The following CCSER1 variants were observed in gnomAD, a reference collection of about 807,000 sequenced individuals.
CCSER1 encodes serine-rich coiled-coil domain-containing protein 1.
CCSER1 carries 41 observed loss-of-function variants against 82.0 expected under a neutral mutation model. The observed-to-expected ratio is 0.50, with a 90% CI of 0.39 to 0.65. The LOEUF is 0.65. Ranked by LOEUF, CCSER1 falls within the 30% of genes least tolerant of loss-of-function variation. The pLI is 0.00. For missense variants in CCSER1, 1,119 were observed against 1,064.2 expected (o/e 1.05, Z -0.72); for synonymous variants, 414 against 383.9 (o/e 1.08, Z -0.92).
intron 10 of CCSER1, among the ~76,000 whole-genome samples, chr4:91,426,581 A>C (rs1753994696): frequency 6.6e-6 from 1 of 152,270 alleles, no homozygotes; most frequent in Middle Eastern, 3.4e-3. Flanking sequence ...ACACAGAAAT[A>C]TTCAGAATTT....
chr4:90,523,296 T>C (rs1773360377), intron 5 of CCSER1, among the ~76,000 whole-genome samples: 1 of 152,158 alleles, frequency 6.6e-6, no homozygotes, highest in Non-Finnish European at 1.5e-5. Context: ...CACATATCAG[T>C]CCAGTGCCCA....
chr4:91,580,882 A>G (rs140236825), intron 10 of CCSER1, among the ~76,000 whole-genome samples: 1 of 151,650 alleles, frequency 6.6e-6, no homozygotes, highest in East Asian at 1.9e-4. Flanking sequence ...ACAACCATAC[A>G]TCTTCATTTT....
chr4:90,895,668 T>C (rs975549589), intron 8 of CCSER1, among the ~76,000 whole-genome samples: 7 of 151,824 alleles, frequency 4.6e-5, no homozygotes, highest in Non-Finnish European at 2.9e-5. Context: ...AGAGTAAACA[T>C]AGTTGAGGCT....
intron 4 of CCSER1, among the ~76,000 whole-genome samples, chr4:90,449,942 G>A (rs918612963): frequency 2.0e-5 from 3 of 152,196 alleles, no homozygotes; most frequent in Non-Finnish European, 4.4e-5. Flanking sequence ...TCCATGGAGT[G>A]TACAGCCCTG....
At chr4:90,734,811 A>G (rs1745386032) in intron 7 of CCSER1, among the ~76,000 whole-genome samples, 1 of 152,006 alleles carries the variant, frequency 6.6e-6, no homozygotes. Context: ...GATGGCTTTT[A>G]TTTCTTTCCC....
chr4:90,510,334 G>A (rs1176992222), intron 5 of CCSER1, among the ~76,000 whole-genome samples: 1 of 152,114 alleles, frequency 6.6e-6, no homozygotes, highest in Non-Finnish European at 1.5e-5. Context: ...GTTTTCTAAG[G>A]TGAATTCTTT....
At chr4:90,881,966 G>T (rs550279637) in intron 8 of CCSER1, among the ~76,000 whole-genome samples, 2 of 151,496 alleles carry the variant, frequency 1.3e-5, no homozygotes, top group Admixed American at 1.3e-4. Flanking sequence ...TCAAATTCTA[G>T]ACAGTTGCTC....
chr4:90,361,391 C>T (rs1745340418), intron 3 of CCSER1, among the ~76,000 whole-genome samples: 1 of 152,182 alleles, frequency 6.6e-6, no homozygotes, highest in Admixed American at 6.5e-5. Flanking sequence ...TTACAACTTA[C>T]TTTCTTCTAT....
intron 1 of CCSER1, among the ~76,000 whole-genome samples, chr4:90,303,305 A>C (rs1733533657): frequency 6.6e-6 from 1 of 152,166 alleles, no homozygotes. Flanking sequence ...AACTACTTTA[A>C]AGTTCATATG....
At chr4:91,081,385 A>G (rs1722720322) in intron 9 of CCSER1, among the ~76,000 whole-genome samples, 2 of 152,226 alleles carry the variant, frequency 1.3e-5, no homozygotes, top group Non-Finnish European at 2.9e-5. Context: ...AAAACTCTCA[A>G]TAAATTAGGT....
chr4:90,765,127 A>G (rs187591175), intron 7 of CCSER1, among the ~76,000 whole-genome samples: 9 of 152,246 alleles, frequency 5.9e-5, no homozygotes, highest in African/African-American at 2.2e-4. Flanking sequence ...CTTAGCAAAT[A>G]GGTCGCTAAC....
chr4:90,797,029 C>T (rs1158860291), intron 7 of CCSER1, among the ~76,000 whole-genome samples: 2 of 151,976 alleles, frequency 1.3e-5, no homozygotes, highest in East Asian at 1.9e-4. Context: ...GAGTTCGTGT[C>T]TTGAAGATCT....
At chr4:90,251,131 A>T (rs1404128245) in intron 1 of CCSER1, among the ~76,000 whole-genome samples, 1 of 151,936 alleles carries the variant, frequency 6.6e-6, no homozygotes, top group African/African-American at 2.4e-5. Context: ...TAAAAATATA[A>T]GATCATAAGA....
chr4:91,352,480 G>A (rs1026861690), intron 10 of CCSER1, among the ~76,000 whole-genome samples: 10 of 152,158 alleles, frequency 6.6e-5, no homozygotes, highest in Non-Finnish European at 1.0e-4. Flanking sequence ...TCCTGACTTC[G>A]TGATCTGCCC....
At chr4:90,815,249 G>A (rs1475166783) in intron 7 of CCSER1, among the ~76,000 whole-genome samples, 1 of 151,908 alleles carries the variant, frequency 6.6e-6, no homozygotes, top group African/African-American at 2.4e-5. Flanking sequence ...GAATATCATG[G>A]GAGAAACCAC....
intron 8 of CCSER1, among the ~76,000 whole-genome samples, chr4:90,903,746 G>T (rs1245378573): frequency 6.6e-6 from 1 of 150,972 alleles, no homozygotes; most frequent in Admixed American, 6.6e-5. Context: ...ACTGAGGCAG[G>T]ATAATCACTT....
chr4:91,568,007 T>C (rs1369912883), intron 10 of CCSER1, among the ~76,000 whole-genome samples: 1 of 152,144 alleles, frequency 6.6e-6, no homozygotes, highest in Non-Finnish European at 1.5e-5. Flanking sequence ...GTAGAGGTCT[T>C]TTCTTTCTAT....
intron 7 of CCSER1, among the ~76,000 whole-genome samples, chr4:90,776,580 T>C (rs567668528): frequency 2.6e-5 from 4 of 152,350 alleles, no homozygotes; most frequent in Admixed American, 6.5e-5. Context: ...ACATGACTTA[T>C]CATCATAATA....
At chr4:90,337,211 G>A (rs569063702) in intron 3 of CCSER1, among the ~76,000 whole-genome samples, 19 of 152,328 alleles carry the variant, frequency 1.2e-4, no homozygotes, top group African/African-American at 4.3e-4. Context: ...GGCCTCAACT[G>A]ATCATATAAT....
Sources: gnomAD v4.1 joint callset for allele counts (sites outside exome capture counted in the v4.1 genomes callset) on GRCh38, gnomAD v4.1.1 for gene constraint, MANE v1.5 for transcripts, NCBI Gene and HGNC (gene_info 2026-07-23, HGNC 2026-07-21) for gene names.